Variants in RIMBP2 observed in about 807,000 individuals in gnomAD.
RIMBP2 encodes the protein RIMS-binding protein 2.
A neutral mutation model predicts 118.6 loss-of-function variants in RIMBP2; 48 were observed. The observed-to-expected ratio is 0.40, with a 90% CI of 0.32 to 0.51. The LOEUF (loss-of-function observed/expected upper bound fraction) is 0.51. Ranked by LOEUF, RIMBP2 falls within the 20% of genes least tolerant of loss-of-function variation. The probability of loss-of-function intolerance (pLI) is 0.41; values close to 1 mark genes in which losing one functional copy is unlikely to be tolerated. For missense variants in RIMBP2, 1,551 were observed against 1,768.3 expected (o/e 0.88, Z 2.20); for synonymous variants, 762 against 742.9 (o/e 1.03, Z -0.42).
chr12:130,427,845 TTC>T (rs2076895110), intron 15 of RIMBP2: 1 of 205,442 alleles, frequency 4.9e-6, no homozygotes, highest in African/African-American at 2.3e-5. Flanking sequence ...CGGCTGCCGA[TTC>T]TCTCGAGATG....
chr12:130,460,410 CAGT>C (rs1434778269), intron 6 of RIMBP2, among the ~76,000 whole-genome samples: 2 of 152,136 alleles, frequency 1.3e-5, no homozygotes, highest in African/African-American at 4.8e-5. Context: ...TCATCACCTG[CAGT>C]AGTAGAAGTC....
Position 130,525,440 on chromosome 12 carries a change from C to A in RIMBP2, c.-216-7523G>T, listed in dbSNP as rs1356083. ...AGAGGCGCAGAGAGACAAGGTCATG[C>A]TTAGAGCCTCCTAGGGGCATGGATG... On this transcript the variant is annotated intron_variant, in intron 2 of 22. Coordinates refer to ENST00000690449, the MANE Select transcript of RIMBP2 (RefSeq NM_001393629.1). The surrounding 1 kb of genome is among the most constrained non-coding windows in gnomAD (Gnocchi z 4.4). 0.45 allele frequency among the ~76,000 whole-genome samples: 68,596 copies of A among 151,958 alleles called. 16,090 individuals carry two copies. The highest frequency in any genetic ancestry group is 0.52 in the Admixed American group (7,975 of 15,284).
At chr12:130,696,128 C>T (rs896320800) in intron 1 of RIMBP2, among the ~76,000 whole-genome samples, 1 of 152,142 alleles carries the variant, frequency 6.6e-6, no homozygotes, top group Non-Finnish European at 1.5e-5. Flanking sequence ...ACAACCCTGC[C>T]CTCCATGCTC....
intron 2 of RIMBP2, among the ~76,000 whole-genome samples, chr12:130,565,978 C>T (rs2139975766): frequency 6.6e-6 from 1 of 152,280 alleles, no homozygotes. Context: ...GATGCATTTT[C>T]TTCCTAGCAG....
intron 1 of RIMBP2, among the ~76,000 whole-genome samples, chr12:130,655,352 G>A (rs916345726): frequency 6.6e-6 from 1 of 152,150 alleles, no homozygotes; most frequent in Non-Finnish European, 1.5e-5. Flanking sequence ...ACTCTGTAAG[G>A]ACCTTATTTA....
chr12:130,677,583 G>T (rs778376315), intron 1 of RIMBP2, among the ~76,000 whole-genome samples: 1 of 152,074 alleles, frequency 6.6e-6, no homozygotes, highest in South Asian at 2.1e-4. Flanking sequence ...AGCCAAGATC[G>T]CAACACTGAA....
chr12:130,445,256 C>A lies in RIMBP2; in HGVS notation c.595G>T (p.Asp199Tyr), dbSNP rs769007877. The A allele has an allele frequency of 6.2e-7, 1 of 1,612,452 alleles. No homozygotes were observed. The highest frequency in any genetic ancestry group is 1.3e-5 in the African/African-American group (1 of 74,850). Residue 199 changes from aspartate to tyrosine, a missense_variant, in exon 10 of 23, where the codon GAT becomes TAT. Coordinates refer to ENST00000690449, the MANE Select transcript of RIMBP2 (RefSeq NM_001393629.1). ...CVARYSYNPF[D>Y]GPNENPEAEL... is the part of the protein sequence containing the mutation. ...GCTTCGGGGTTCTCGTTCGGTCCAT[C>A]GAAGGGGTTGTAACTGCAGAGAAAA...
At chr12:130,553,386 T>C (rs2056021472) in intron 2 of RIMBP2, among the ~76,000 whole-genome samples, 1 of 152,172 alleles carries the variant, frequency 6.6e-6, no homozygotes, top group Non-Finnish European at 1.5e-5. Context: ...AATAACTCTA[T>C]AATGTGAGCA....
intron 18 of RIMBP2, 82 bp from the exon 19 acceptor site, chr12:130,412,869 G>A (rs1307052010): frequency 5.5e-6 from 7 of 1,272,918 alleles, no homozygotes; most frequent in Non-Finnish European, 7.6e-6. Flanking sequence ...GTAAGTGAGT[G>A]TAGTCGAAAA....
Position 130,558,622 on chromosome 12 carries a change from C to T in RIMBP2, c.-216-40705G>A, listed in dbSNP as rs541262444. ...AGCCCCAGAGACAAAGGGAAGAGAC[C>T]GAGAATGCAGCCAGCCTGTGGTGTC... On this transcript the variant is annotated intron_variant, in intron 2 of 22. Transcript: ENST00000690449. Among the ~76,000 whole-genome samples, 19 of 152,258 alleles carry T rather than the reference C, an allele frequency of 1.2e-4. No individual in the cohort carries two copies. The East Asian group carries it at 2.9e-3, about 23-fold the overall frequency.
At chr12:130,646,349 A>G (rs1248718208) in intron 1 of RIMBP2, among the ~76,000 whole-genome samples, 2 of 120,562 alleles carry the variant, frequency 1.7e-5, no homozygotes, top group African/African-American at 3.1e-5. Context: ...CTCCCTCACC[A>G]CCTCCCTCAC....
At chr12:130,681,480 TC>T (rs1163363239) in intron 1 of RIMBP2, among the ~76,000 whole-genome samples, 2 of 151,996 alleles carry the variant, frequency 1.3e-5, no homozygotes, top group East Asian at 3.9e-4. Context: ...AAGCAATAAC[TC>T]CCCCTTCCTC....
At chr12:130,495,255 A>T (rs886397436) in intron 4 of RIMBP2, among the ~76,000 whole-genome samples, 6 of 152,192 alleles carry the variant, frequency 3.9e-5, no homozygotes, top group African/African-American at 9.7e-5. Context: ...CTTGCTCCCC[A>T]TCTGCCTGGA....
At chr12:130,495,841 G>C (rs1324534035) in intron 4 of RIMBP2, among the ~76,000 whole-genome samples, 1 of 152,166 alleles carries the variant, frequency 6.6e-6, no homozygotes, top group Non-Finnish European at 1.5e-5. Context: ...TTAAAGATGA[G>C]AGAACACCCC....
chr12:130,634,432 A>G (rs1161548259), intron 1 of RIMBP2, among the ~76,000 whole-genome samples: 1 of 152,094 alleles, frequency 6.6e-6, no homozygotes, highest in Non-Finnish European at 1.5e-5. Context: ...AAGCCCTTGG[A>G]GCAAATGAAC....
At position 130,618,995 on chromosome 12, in the gene RIMBP2, TA is replaced by T. The variant is rs547352469; in HGVS notation, c.-217+9326del. On this transcript the variant is annotated intron_variant, in intron 2 of 22. Coordinates refer to ENST00000690449, the MANE Select transcript of RIMBP2 (RefSeq NM_001393629.1). ...AAAGCCAGAAGTTAGTTAACAGCTT[TA>T]TTGCTGATGGACTTTTTATGTTAAA... 1.7e-4 allele frequency among the ~76,000 whole-genome samples: 26 copies of T among 152,218 alleles called. 1 individual carries two copies. Among genetic ancestry groups the T allele is most frequent in the Non-Finnish European group, 2.4e-4 (16 of 68,046 alleles).
intron 2 of RIMBP2, among the ~76,000 whole-genome samples, chr12:130,526,396 G>A (rs1191084053): frequency 6.6e-6 from 1 of 152,132 alleles, no homozygotes; most frequent in Non-Finnish European, 1.5e-5. Context: ...ACTTCTACAG[G>A]CTCAGGCATC....
At chr12:130,601,636 C>T (rs1393195122) in intron 2 of RIMBP2, among the ~76,000 whole-genome samples, 3 of 152,176 alleles carry the variant, frequency 2.0e-5, no homozygotes, top group Non-Finnish European at 4.4e-5. Context: ...ACATAGAATG[C>T]TTATCTCCAA....
chr12:130,676,703 G>A (rs2136504095), intron 1 of RIMBP2, among the ~76,000 whole-genome samples: 1 of 152,182 alleles, frequency 6.6e-6, no homozygotes, highest in South Asian at 2.1e-4. Context: ...CCACAAAAAG[G>A]AGCAAACCAC....
Sources: allele counts gnomAD v4.1 joint callset (sites outside exome capture counted in the v4.1 genomes callset), GRCh38; gene constraint gnomAD v4.1.1; non-coding constraint Gnocchi (gnomAD v3.1); transcripts MANE v1.5; gene names NCBI Gene and HGNC (gene_info 2026-07-23, HGNC 2026-07-21).